The following ENOX1 variants were observed in gnomAD, a reference collection of about 807,000 sequenced individuals.
ENOX1 encodes candidate growth-related and time keeping constitutive hydroquinone (NADH) oxidase.
A neutral mutation model predicts 82.5 loss-of-function variants in ENOX1; 42 were observed. The observed-to-expected ratio is 0.51, with a 90% CI of 0.40 to 0.66. The LOEUF is 0.66. Ranked by LOEUF, ENOX1 falls within the 30% of genes least tolerant of loss-of-function variation. The pLI is 0.00. For synonymous variants in ENOX1, 271 were observed against 282.2 expected, an observed-to-expected ratio of 0.96 and a Z score of 0.40; for missense variants, 608 against 811.6, an observed-to-expected ratio of 0.75 and a Z score of 3.05.
chr13:43,287,803 T>A (rs954003898), intron 12 of ENOX1, among the ~76,000 whole-genome samples: 2 of 152,222 alleles, frequency 1.3e-5, no homozygotes, highest in South Asian at 2.1e-4. Flanking sequence ...CCAAACCTCT[T>A]ACAGATGTCA....
At chr13:43,733,768 G>A (rs2089468708) in intron 1 of ENOX1, among the ~76,000 whole-genome samples, 2 of 152,122 alleles carry the variant, frequency 1.3e-5, no homozygotes, top group Non-Finnish European at 2.9e-5. Flanking sequence ...CAGTACCTGT[G>A]AATCTGACTT....
intron 2 of ENOX1, among the ~76,000 whole-genome samples, chr13:43,609,154 G>A (rs990008023): frequency 8.5e-5 from 13 of 152,176 alleles, no homozygotes; most frequent in East Asian, 1.9e-4. Flanking sequence ...GTCTTTTTAC[G>A]ATCAGGTGGA....
chr13:43,600,988 G>C (rs2081687980), intron 2 of ENOX1, among the ~76,000 whole-genome samples: 1 of 152,150 alleles, frequency 6.6e-6, no homozygotes, highest in Non-Finnish European at 1.5e-5. Context: ...CTCTAATGCA[G>C]ATATGGCTGC....
intron 3 of ENOX1, among the ~76,000 whole-genome samples, chr13:43,482,203 A>G (rs2058533073): frequency 6.6e-6 from 1 of 152,222 alleles, no homozygotes. Context: ...TGTTCACTGC[A>G]GCATTATTCG....
chr13:43,638,191 T>C (rs1288582610), intron 2 of ENOX1, among the ~76,000 whole-genome samples: 1 of 152,222 alleles, frequency 6.6e-6, no homozygotes, highest in East Asian at 1.9e-4. Flanking sequence ...TATAGGTTGG[T>C]TACTTCAGGA....
chr13:43,576,522 A>G (rs989090639), intron 2 of ENOX1, among the ~76,000 whole-genome samples: 14 of 152,152 alleles, frequency 9.2e-5, no homozygotes, highest in Admixed American at 6.5e-4. Context: ...AGTTCACATT[A>G]AGATGTGCTG....
In ENOX1 at chr13:43,399,275, T is replaced by C. The variant is rs571355224; in HGVS notation, c.208+12641A>G. ...GAGTCAAAACTTATATGTAAGTTTT[T>C]TACTGTGTGGGGGTGAGCAGCTCTA... is the stretch of plus-strand genomic sequence containing the variant. On this transcript the variant is annotated intron_variant, in intron 5 of 16. Transcript: ENST00000690772. Among the ~76,000 whole-genome samples the C allele has an allele frequency of 2.0e-5, 3 of 152,302 alleles. No individual in the cohort carries two copies. The South Asian group carries it at 6.2e-4, about 32-fold the overall frequency.
intron 12 of ENOX1, among the ~76,000 whole-genome samples, chr13:43,280,928 G>T (rs2045340415): frequency 6.6e-6 from 1 of 152,138 alleles, no homozygotes; most frequent in African/African-American, 2.4e-5. Flanking sequence ...GAGGAAGTTT[G>T]CTCCTTCCCC....
intron 5 of ENOX1, among the ~76,000 whole-genome samples, chr13:43,395,598 T>A (rs756774984): frequency 6.6e-5 from 10 of 152,228 alleles, no homozygotes; most frequent in Non-Finnish European, 1.2e-4. Flanking sequence ...TGATTTCCAC[T>A]AACATTGAGT....
At chr13:43,470,730 C>A (rs1279681441) in intron 3 of ENOX1, among the ~76,000 whole-genome samples, 1 of 151,602 alleles carries the variant, frequency 6.6e-6, no homozygotes, top group African/African-American at 2.4e-5. Context: ...GAACACTTTA[C>A]AGAGAAAATT....
At chr13:43,767,766 C>T (rs967397285) in intron 1 of ENOX1, among the ~76,000 whole-genome samples, 8 of 152,224 alleles carry the variant, frequency 5.3e-5, no homozygotes, top group Non-Finnish European at 1.2e-4. Flanking sequence ...GGCTCTTAAT[C>T]AGTTGTCCAC....
chr13:43,406,587 G>A (rs955941239), intron 5 of ENOX1, among the ~76,000 whole-genome samples: 5 of 151,678 alleles, frequency 3.3e-5, no homozygotes, highest in African/African-American at 4.8e-5. Flanking sequence ...CCGCCTCCCG[G>A]GTTCACGCCA....
chr13:43,483,025 C>A (rs966704100), intron 3 of ENOX1, among the ~76,000 whole-genome samples: 6 of 152,250 alleles, frequency 3.9e-5, no homozygotes, highest in African/African-American at 1.2e-4. Context: ...GTAACATCTA[C>A]TTTGATTCTT....
intron 1 of ENOX1, among the ~76,000 whole-genome samples, chr13:43,759,482 A>G (rs887383345): frequency 2.0e-5 from 3 of 152,176 alleles, no homozygotes; most frequent in Middle Eastern, 3.2e-3. Flanking sequence ...ATTAGAACTT[A>G]ACTCACTGAA....
At chr13:43,752,679 T>TACAC (rs1950384706) in intron 1 of ENOX1, among the ~76,000 whole-genome samples, 1 of 152,190 alleles carries the variant, frequency 6.6e-6, no homozygotes, top group Admixed American at 6.5e-5. Context: ...CCACGGTCTA[T>TACAC]ACACATGTGG....
intron 2 of ENOX1, chr13:43,546,490 G>A (rs2078978763): frequency 6.6e-6 from 1 of 152,236 alleles, no homozygotes. Context: ...GGGATGGTGG[G>A]AGGAGTTCCT....
intron 3 of ENOX1, among the ~76,000 whole-genome samples, chr13:43,421,580 G>A (rs1473788797): frequency 6.6e-6 from 1 of 152,102 alleles, no homozygotes; most frequent in East Asian, 1.9e-4. Flanking sequence ...CCTAAGGAGA[G>A]ATGCCACTCC....
At chr13:43,459,748 C>G (rs1174604301) in intron 3 of ENOX1, among the ~76,000 whole-genome samples, 4 of 152,176 alleles carry the variant, frequency 2.6e-5, no homozygotes, top group Non-Finnish European at 4.4e-5. Context: ...AATCCCAGCA[C>G]TTTGGGAGGC....
chr13:43,786,806 TCGCCGTTCCCTCTGCTGCCGC>T lies in ENOX1; in HGVS notation c.-460_-440del, dbSNP rs1267115827. 1 of 147,772 alleles carries T rather than the reference TCGCCGTTCCCTCTGCTGCCGC, an allele frequency of 6.8e-6. No individual in the cohort carries two copies. Among genetic ancestry groups the T allele is most frequent in the Non-Finnish European group, 1.5e-5 (1 of 67,652 alleles). 9.2% of individuals were successfully genotyped at this position (147,772 alleles called of 1,614,324 possible). On this transcript the variant is annotated 5_prime_UTR_variant, in exon 1 of 17. Transcript: ENST00000690772. This position sits in a 1 kb window ranked among gnomAD's most constrained non-coding sequence, Gnocchi z 6.0. Reference sequence around the variant, plus strand: ...GCTGGGAGACGCGGCCGGGCTGCAGTCGCCGTTCCCTCTGCTGCCGCCGCCGCTGCAGCAGACAGAGGACGC... The same window carrying T: ...GCTGGGAGACGCGGCCGGGCTGCAGTCGCCGCTGCAGCAGACAGAGGACGC...
Sources: allele counts gnomAD v4.1 joint callset (sites outside exome capture counted in the v4.1 genomes callset), GRCh38; gene constraint gnomAD v4.1.1; non-coding constraint Gnocchi (gnomAD v3.1); transcripts MANE v1.5; gene names NCBI Gene and HGNC (gene_info 2026-07-23, HGNC 2026-07-21).